The following PCNX1 variants were observed in gnomAD, a reference collection of about 807,000 sequenced individuals.
PCNX1 encodes pecanex 1.
Under a neutral mutation model 242.2 loss-of-function variants are expected in PCNX1, and 78 were observed. The observed-to-expected ratio is 0.32, with a 90% CI of 0.27 to 0.39. The LOEUF is 0.39. Among genes scored for constraint, PCNX1 ranks in the 10% least tolerant of loss-of-function variants. The probability of loss-of-function intolerance (pLI) is 1.00; values close to 1 mark genes in which losing one functional copy is unlikely to be tolerated. For synonymous variants in PCNX1, 1,024 were observed against 1,032.9 expected, an observed-to-expected ratio of 0.99 and a Z score of 0.17; for missense variants, 2,581 against 2,856.5, an observed-to-expected ratio of 0.90 and a Z score of 2.20.
chr14:70,940,741 C>T (rs976128738), intron 1 of PCNX1, among the ~76,000 whole-genome samples: 1 of 152,230 alleles, frequency 6.6e-6, no homozygotes, highest in Non-Finnish European at 1.5e-5. Flanking sequence ...TGGTGCCATT[C>T]TCCCTGTCAC....
At chr14:70,984,814 T>A (rs953539853) in intron 6 of PCNX1, among the ~76,000 whole-genome samples, 1 of 152,236 alleles carries the variant, frequency 6.6e-6, no homozygotes, top group African/African-American at 2.4e-5. Context: ...TCCCAGCTAT[T>A]CTAAAAGTAT....
chr14:70,939,739 G>T (rs1258930910), intron 1 of PCNX1, among the ~76,000 whole-genome samples: 1 of 152,150 alleles, frequency 6.6e-6, no homozygotes, highest in South Asian at 2.1e-4. Flanking sequence ...GGGTGTTAAA[G>T]TCTCCCATTA....
chr14:70,920,754 A>G (rs1434217056), intron 1 of PCNX1, among the ~76,000 whole-genome samples: 2 of 152,194 alleles, frequency 1.3e-5, no homozygotes, highest in African/African-American at 4.8e-5. Flanking sequence ...CCATATTATA[A>G]GGTAGAATAT....
At chr14:71,064,742 A>T (rs2061407583) in intron 26 of PCNX1, among the ~76,000 whole-genome samples, 1 of 152,094 alleles carries the variant, frequency 6.6e-6, no homozygotes, top group Admixed American at 6.5e-5. Flanking sequence ...TACATTAGGT[A>T]TTTCTCCTAA....
Position 71,026,722 on chromosome 14 carries a change from G to A in PCNX1, c.3356-50G>A, listed in dbSNP as rs201612241. The A allele has an allele frequency of 2.7e-4, 217 of 803,370 alleles. 2 individuals are homozygous for A. The East Asian group carries it at 5.6e-3, about 21-fold the overall frequency. The allele number at this position is 803,370 out of a possible 1,614,324, so 49.8% of individuals were successfully genotyped here. On this transcript the variant is annotated intron_variant, in intron 14 of 35. Transcript: ENST00000304743. ...AATTATGACCTCTCAGTGGACACAAGAATGGATACAGTATAATATTTTAAA... is the reference window on the plus strand; with the variant it reads ...AATTATGACCTCTCAGTGGACACAAAAATGGATACAGTATAATATTTTAAA...
chr14:71,083,134 A>G (rs1038900876), intron 28 of PCNX1, among the ~76,000 whole-genome samples: 25 of 152,310 alleles, frequency 1.6e-4, no homozygotes, highest in Admixed American at 1.4e-3. Context: ...TGGATATGCA[A>G]TTCTGGGTTG....
chr14:71,075,766 C>T (rs1040470895), intron 27 of PCNX1, among the ~76,000 whole-genome samples: 5 of 151,868 alleles, frequency 3.3e-5, no homozygotes, highest in Non-Finnish European at 5.9e-5. Context: ...GGTGTGGTGG[C>T]GGGCACCTGT....
intron 28 of PCNX1, among the ~76,000 whole-genome samples, chr14:71,086,113 T>C (rs2061983011): frequency 6.6e-6 from 1 of 152,244 alleles, no homozygotes; most frequent in Admixed American, 6.5e-5. Context: ...CCATTCAGTA[T>C]ATTTTTTATC....
chr14:70,937,910 T>A (rs2057076301), intron 1 of PCNX1, among the ~76,000 whole-genome samples: 1 of 152,130 alleles, frequency 6.6e-6, no homozygotes, highest in Non-Finnish European at 1.5e-5. Flanking sequence ...TGAATGGGAG[T>A]TCATTCATGA....
intron 5 of PCNX1, among the ~76,000 whole-genome samples, chr14:70,971,874 A>G (rs141036944): frequency 2.2e-3 from 328 of 152,336 alleles, no homozygotes; most frequent in African/African-American, 7.7e-3. Flanking sequence ...GAGTAAGTGA[A>G]GGGCCAAACA....
chr14:71,104,704 C>A (rs1361585183), intron 32 of PCNX1, among the ~76,000 whole-genome samples: 2 of 152,080 alleles, frequency 1.3e-5, no homozygotes, highest in Non-Finnish European at 1.5e-5. Flanking sequence ...CTGAGGTGGG[C>A]AGATCATAAG....
intron 26 of PCNX1, among the ~76,000 whole-genome samples, chr14:71,065,234 A>T (rs993836836): frequency 6.6e-6 from 1 of 152,220 alleles, no homozygotes; most frequent in African/African-American, 2.4e-5. Context: ...CACTCCCACC[A>T]ACAGTGTAAA....
At chr14:70,926,288 G>A (rs1414704132) in intron 1 of PCNX1, among the ~76,000 whole-genome samples, 1 of 151,842 alleles carries the variant, frequency 6.6e-6, no homozygotes, top group East Asian at 1.9e-4. Context: ...CTAATGTGGG[G>A]TTCTTTCCTT....
intron 1 of PCNX1, among the ~76,000 whole-genome samples, chr14:70,918,953 T>C (rs116798784): frequency 6.6e-6 from 1 of 150,812 alleles, no homozygotes; most frequent in African/African-American, 2.4e-5. Context: ...TGATAATAAC[T>C]CCCTTCAGCT....
intron 34 of PCNX1, 57 bp from the exon 35 acceptor site, chr14:71,109,395 A>G (rs1471362365): frequency 1.0e-5 from 15 of 1,473,650 alleles, no homozygotes; most frequent in Admixed American, 3.9e-5. Context: ...TTGAGATTAC[A>G]TAATTTTTCA....
chr14:71,105,545 GA>G, intron 33 of PCNX1, 105 bp downstream of exon 33: 1 of 858,270 alleles, frequency 1.2e-6, no homozygotes, highest in Non-Finnish European at 1.8e-6. Context: ...TGGAAATTCA[GA>G]AATAGAATTT....
chr14:70,997,066 G>T (rs2059374700), intron 8 of PCNX1, among the ~76,000 whole-genome samples: 2 of 152,092 alleles, frequency 1.3e-5, no homozygotes, highest in Admixed American at 6.6e-5. Context: ...TTTTAAATTT[G>T]GAATGCTTTT....
intron 30 of PCNX1, among the ~76,000 whole-genome samples, chr14:71,092,193 G>GA (rs1161546175): frequency 6.6e-6 from 1 of 152,168 alleles, no homozygotes; most frequent in African/African-American, 2.4e-5. Flanking sequence ...GACAAGTGTG[G>GA]AAAAAAAGAA....
At chr14:70,942,449 A>G (rs953494179) in intron 1 of PCNX1, among the ~76,000 whole-genome samples, 8 of 152,136 alleles carry the variant, frequency 5.3e-5, no homozygotes, top group Admixed American at 1.3e-4. Context: ...CTACTATGCT[A>G]TCACAGCACA....
Sources: allele counts gnomAD v4.1 joint callset (sites outside exome capture counted in the v4.1 genomes callset), GRCh38; gene constraint gnomAD v4.1.1; transcripts MANE v1.5; gene names NCBI Gene and HGNC (gene_info 2026-07-23, HGNC 2026-07-21).